HPSE2: variants seen among roughly 807,000 people sequenced by gnomAD.
HPSE2 encodes inactive heparanase-2.
HPSE2 carries 38 observed loss-of-function variants against 60.5 expected under a neutral mutation model. The observed-to-expected ratio is 0.63, with a 90% CI of 0.48 to 0.82. HPSE2 has a LOEUF of 0.82. HPSE2 is among the 40% of genes least tolerant of loss of function. HPSE2 has a pLI of 0.00. For missense variants in HPSE2, 713 were observed against 740.4 expected (o/e 0.96, Z 0.43); for synonymous variants, 295 against 293.2 (o/e 1.01, Z -0.06).
intron 7 of HPSE2, among the ~76,000 whole-genome samples, chr10:98,637,957 G>C (rs1215043973): frequency 6.6e-6 from 1 of 151,612 alleles, no homozygotes; most frequent in Non-Finnish European, 1.5e-5. Context: ...TGGACAACAT[G>C]GTGAAACCCT....
At chr10:98,524,327 G>A (rs978341469) in intron 9 of HPSE2, among the ~76,000 whole-genome samples, 4 of 152,166 alleles carry the variant, frequency 2.6e-5, no homozygotes, top group Non-Finnish European at 5.9e-5. Context: ...AGTTCTGGTG[G>A]AGCCGTAATG....
intron 2 of HPSE2, among the ~76,000 whole-genome samples, chr10:99,221,461 CA>C (rs1355514939): frequency 6.6e-6 from 1 of 151,932 alleles, no homozygotes; most frequent in Non-Finnish European, 1.5e-5. Flanking sequence ...TGAACATTCA[CA>C]AAAAAATACC....
chr10:98,960,713 T>TC (rs1955640099), intron 3 of HPSE2, among the ~76,000 whole-genome samples: 1 of 76,848 alleles, frequency 1.3e-5, no homozygotes, highest in Non-Finnish European at 3.0e-5. Flanking sequence ...TTTTTTTTTT[T>TC]TTTTTTTGTT....
At chr10:98,993,871 C>T (rs1956583894) in intron 3 of HPSE2, among the ~76,000 whole-genome samples, 1 of 152,156 alleles carries the variant, frequency 6.6e-6, no homozygotes. Flanking sequence ...AAAAATTATA[C>T]ATGGTGTCCT....
the HPSE2 span, among the ~76,000 whole-genome samples, chr10:99,241,479 A>G: frequency 3.3e-5 from 5 of 152,174 alleles, no homozygotes; most frequent in Admixed American, 1.3e-4. Flanking sequence ...TATACAATCA[A>G]TCAGGCACAG....
chr10:98,467,637 C>A (rs1271520836), intron 11 of HPSE2, among the ~76,000 whole-genome samples: 1 of 152,182 alleles, frequency 6.6e-6, no homozygotes. Context: ...TTGTCCTACA[C>A]AATGGTGCCA....
At chr10:98,677,573 T>C (rs1007200785) in intron 6 of HPSE2, among the ~76,000 whole-genome samples, 1 of 152,192 alleles carries the variant, frequency 6.6e-6, no homozygotes, top group South Asian at 2.1e-4. Flanking sequence ...TTTTGTGAAA[T>C]GGACATTAAC....
chr10:99,115,455 ATTTTT>A (rs997027759), intron 3 of HPSE2, among the ~76,000 whole-genome samples: 1 of 145,580 alleles, frequency 6.9e-6, no homozygotes, highest in Non-Finnish European at 1.5e-5. Flanking sequence ...CGCTTGGCCA[ATTTTT>A]TTTTTTTTAT....
At chr10:99,100,911 G>C (rs1183027761) in intron 3 of HPSE2, among the ~76,000 whole-genome samples, 1 of 152,130 alleles carries the variant, frequency 6.6e-6, no homozygotes, top group Admixed American at 6.5e-5. Context: ...AAGTGAAGGA[G>C]AAATAAAATA....
intron 2 of HPSE2, among the ~76,000 whole-genome samples, chr10:99,147,459 A>G (rs1250179841): frequency 6.6e-6 from 1 of 152,218 alleles, no homozygotes; most frequent in Non-Finnish European, 1.5e-5. Flanking sequence ...TAATTTGAAG[A>G]GTAGAACACC....
At chr10:98,700,174 C>T (rs1451792936) in intron 5 of HPSE2, among the ~76,000 whole-genome samples, 2 of 152,028 alleles carry the variant, frequency 1.3e-5, no homozygotes, top group Non-Finnish European at 2.9e-5. Context: ...AAAAAAGAGC[C>T]TGCATCACCA....
chr10:99,312,437 G>A, the HPSE2 span, among the ~76,000 whole-genome samples: 4 of 152,188 alleles, frequency 2.6e-5, no homozygotes, highest in Admixed American at 1.3e-4. Context: ...CCTTAAGAAC[G>A]TTAAATCTAC....
chr10:99,310,520 A>G, the HPSE2 span, among the ~76,000 whole-genome samples: 2 of 152,260 alleles, frequency 1.3e-5, no homozygotes, highest in Admixed American at 1.3e-4. Context: ...AGTGAATTTT[A>G]GCATAATTTT....
At chr10:98,980,015 T>A (rs1956170502) in intron 3 of HPSE2, among the ~76,000 whole-genome samples, 1 of 152,212 alleles carries the variant, frequency 6.6e-6, no homozygotes, top group Non-Finnish European at 1.5e-5. Flanking sequence ...AGATGAACGC[T>A]GCAGGCCAGT....
At chr10:98,657,998 C>T (rs542597609) in intron 6 of HPSE2, among the ~76,000 whole-genome samples, 10 of 152,206 alleles carry the variant, frequency 6.6e-5, no homozygotes, top group Admixed American at 2.0e-4. Context: ...TGAGAACAGA[C>T]GAAGTTTTGT....
the HPSE2 span, among the ~76,000 whole-genome samples, chr10:99,276,454 C>T: frequency 2.0e-5 from 3 of 152,198 alleles, no homozygotes; most frequent in African/African-American, 7.2e-5. Context: ...TTTTTCACTA[C>T]ACATTAATCT....
chr10:98,636,206 T>C (rs188484073), intron 7 of HPSE2, among the ~76,000 whole-genome samples: 51 of 152,030 alleles, frequency 3.4e-4, no homozygotes, highest in African/African-American at 1.1e-3. Flanking sequence ...ATGATAAATG[T>C]TTGAAGTGAT....
intron 2 of HPSE2, among the ~76,000 whole-genome samples, chr10:99,216,883 C>T (rs777761244): frequency 1.4e-4 from 22 of 152,096 alleles, no homozygotes; most frequent in Non-Finnish European, 3.1e-4. Flanking sequence ...TGATAACTGA[C>T]GAGTTTAATT....
intron 7 of HPSE2, among the ~76,000 whole-genome samples, chr10:98,628,630 A>C (rs1946279333): frequency 1.3e-5 from 2 of 152,168 alleles, no homozygotes; most frequent in Non-Finnish European, 2.9e-5. Flanking sequence ...AATAGACTTC[A>C]ATCCTTGGGT....
Sources: allele counts gnomAD v4.1 joint callset (sites outside exome capture counted in the v4.1 genomes callset), GRCh38; gene constraint gnomAD v4.1.1; transcripts MANE v1.5; gene names NCBI Gene and HGNC (gene_info 2026-07-23, HGNC 2026-07-21).